Variants in NPTN observed in about 807,000 individuals in gnomAD.
NPTN encodes the protein SDR-1.
NPTN carries 5 observed loss-of-function variants against 42.7 expected under a neutral mutation model. The ratio of observed to expected loss-of-function variants is 0.12; its 90% CI spans 0.06 to 0.25. The LOEUF is 0.25. Among genes scored for constraint, NPTN ranks in the 10% least tolerant of loss-of-function variants. The pLI, the probability that NPTN is intolerant of heterozygous loss-of-function variation, is 1.00. For synonymous variants in NPTN, 180 were observed against 201.9 expected (o/e 0.89, Z 0.92); for missense variants, 307 against 525.4 (o/e 0.58, Z 4.06).
intron 1 of NPTN, among the ~76,000 whole-genome samples, chr15:73,630,901 T>C (rs1239952676): frequency 6.6e-6 from 1 of 152,232 alleles, no homozygotes; most frequent in East Asian, 1.9e-4. Flanking sequence ...TCCATAACTA[T>C]AGGAACTCAA....
intron 4 of NPTN, among the ~76,000 whole-genome samples, chr15:73,577,148 CTG>C (rs1266247585): frequency 6.6e-6 from 1 of 152,190 alleles, no homozygotes; most frequent in Non-Finnish European, 1.5e-5. Flanking sequence ...CACTTAAACA[CTG>C]TAGTAAAACT....
intron 2 of NPTN, among the ~76,000 whole-genome samples, chr15:73,596,168 G>T (rs1456612520): frequency 6.6e-6 from 1 of 152,138 alleles, no homozygotes; most frequent in Admixed American, 6.5e-5. Flanking sequence ...ATAATAATTT[G>T]CAGCTTAGTG....
intron 6 of NPTN, chr15:73,565,822 G>A (rs188139298): frequency 2.2e-5 from 10 of 456,082 alleles, no homozygotes; most frequent in East Asian, 2.1e-4. Flanking sequence ...CTTCCCAACC[G>A]AATGGACCAC....
At chr15:73,575,724 A>G (rs1895658512) in intron 4 of NPTN, among the ~76,000 whole-genome samples, 3 of 152,206 alleles carry the variant, frequency 2.0e-5, no homozygotes. Flanking sequence ...TCTTGGCTTA[A>G]AAACAATGCA....
At position 73,598,547 on chromosome 15, in the gene NPTN, A is replaced by C. The variant is rs558987732; in HGVS notation, c.92-1178T>G. 7.2e-5 allele frequency among the ~76,000 whole-genome samples: 11 copies of C among 152,250 alleles called. No homozygotes were observed. In the South Asian group the frequency reaches 2.3e-3, roughly 32 times the overall value. On this transcript the variant is annotated intron_variant, in intron 1 of 8. Coordinates refer to ENST00000345330, the MANE Select transcript of NPTN (RefSeq NM_012428.4). ...TAGGAAACAAAATCAGAGTGCAAGC[A>C]TACTCTCTCTTACCCTTCCACCCCA...
At chr15:73,561,549 G>A (rs761099645) in intron 8 of NPTN, among the ~76,000 whole-genome samples, 4 of 152,082 alleles carry the variant, frequency 2.6e-5, no homozygotes, top group Admixed American at 6.6e-5. Context: ...GCATGGTGGT[G>A]GGCAGCTGTA....
chr15:73,633,145 C>G lies in NPTN; in HGVS notation c.71G>C (p.Gly24Ala), dbSNP rs756251674. The part of the protein sequence containing the change: ...LLLVSGSLLP[G>A]PGAAQNAGFV... ...CTTACCGTTCTGAGCGGCGCCTGGC[C>G]CTGGGAGGAGGGAGCCAGAGACCAG... The change falls in exon 1 of 9, where the codon GGG becomes GCG. Residue 24 changes from glycine (G) to alanine (A), a missense_variant. This residue lies in a region of NPTN where 43 missense variants were observed against 34.3 expected (regional missense o/e 1.25). Transcript: ENST00000345330. The G allele has an allele frequency of 1.3e-6, 2 of 1,502,724 alleles. No homozygotes were observed. The highest frequency in any genetic ancestry group is 2.7e-5 in the Admixed American group (1 of 37,662). 93.1% of individuals were successfully genotyped at this position (1,502,724 alleles called of 1,614,324 possible).
intron 6 of NPTN, among the ~76,000 whole-genome samples, chr15:73,564,315 G>A (rs955481628): frequency 6.6e-6 from 1 of 152,152 alleles, no homozygotes; most frequent in Non-Finnish European, 1.5e-5. Flanking sequence ...GGGGCTTGGT[G>A]CACATGAAGC....
chr15:73,582,034 C>T (rs1461065452), intron 4 of NPTN, among the ~76,000 whole-genome samples: 1 of 152,134 alleles, frequency 6.6e-6, no homozygotes, highest in East Asian at 1.9e-4. Context: ...CGGGGTTTCA[C>T]CACCTTGGTC....
In NPTN at chr15:73,633,284, G is replaced by A. The variant is rs1898870027; in HGVS notation, c.-69C>T. The A allele has an allele frequency of 7.5e-6, 8 of 1,071,054 alleles. No homozygotes were observed. Among genetic ancestry groups the A allele is most frequent in the East Asian group, 3.0e-5 (1 of 33,728 alleles). 66.3% of individuals were successfully genotyped at this position (1,071,054 alleles called of 1,614,324 possible). A position where few individuals can be genotyped will look rare whatever the true frequency, so the allele number is the denominator to read the frequency against. On this transcript the variant is annotated 5_prime_UTR_variant, in exon 1 of 9. Transcript: ENST00000345330. ...GCCGGGGCCGGGGAAGGGAGGGGAGGGAGGGAGGGGGCGGGCGAGTGCGCG... is the reference window on the plus strand; with the variant it reads ...GCCGGGGCCGGGGAAGGGAGGGGAGAGAGGGAGGGGGCGGGCGAGTGCGCG...
At position 73,570,183 on chromosome 15, in the gene NPTN, C is replaced by G. The variant is rs772665171; in HGVS notation, c.1081G>C (p.Glu361Gln). The change falls in exon 6 of 9, where the codon GAG (glutamate) becomes CAG (glutamine). Residue 361 changes from glutamate (E) to glutamine (Q), a missense_variant. Around this residue, in one of 2 missense-constraint regions of NPTN, gnomAD observed 264 missense variants for 491.1 expected, o/e 0.54. Coordinates refer to ENST00000345330, the MANE Select transcript of NPTN (RefSeq NM_012428.4). This position sits in a 1 kb window ranked among gnomAD's most constrained non-coding sequence, Gnocchi z 4.0. Reference protein sequence around the residue: ...IILVVIIVVYEKRKRPDEVPD... With the variant: ...IILVVIIVVYQKRKRPDEVPD... ...ACCTCATCTGGCCTCTTCCTCTTCT[C>G]ATACACAACAATGATCACCACAAGG... The G allele has an allele frequency of 1.2e-6, 2 of 1,613,422 alleles. No homozygotes were observed. Among genetic ancestry groups the G allele is most frequent in the East Asian group, 2.2e-5 (1 of 44,834 alleles).
At chr15:73,605,426 CAG>C (rs1177171766) in intron 1 of NPTN, among the ~76,000 whole-genome samples, 1 of 151,494 alleles carries the variant, frequency 6.6e-6, no homozygotes, top group African/African-American at 2.4e-5. Flanking sequence ...ACCTGAGAAA[CAG>C]AAAGAATTGG....
intron 6 of NPTN, chr15:73,567,485 T>C: frequency 2.0e-6 from 2 of 985,376 alleles, no homozygotes; most frequent in Non-Finnish European, 2.4e-6. Context: ...TATATCTATA[T>C]GAAAATTTGG....
chr15:73,620,735 T>C (rs951986657), intron 1 of NPTN, among the ~76,000 whole-genome samples: 3 of 152,226 alleles, frequency 2.0e-5, no homozygotes, highest in Non-Finnish European at 2.9e-5. Flanking sequence ...TTTCGTTCAT[T>C]TGGAACTCTA....
intron 4 of NPTN, among the ~76,000 whole-genome samples, chr15:73,582,586 C>G (rs1437586390): frequency 6.6e-6 from 1 of 152,126 alleles, no homozygotes; most frequent in Non-Finnish European, 1.5e-5. Context: ...TCAACCCTGG[C>G]TGTACACCAT....
chr15:73,597,467 A>C lies in NPTN; in HGVS notation c.92-98T>G. 2.1e-6 allele frequency: 2 copies of C among 953,532 alleles called. No individual in the cohort carries two copies. Among genetic ancestry groups the C allele is most frequent in the South Asian group, 1.8e-5 (1 of 56,756 alleles). 59.1% of individuals were successfully genotyped at this position (953,532 alleles called of 1,614,324 possible). On this transcript the variant is annotated intron_variant, in intron 1 of 8. Transcript: ENST00000345330. This position sits in a 1 kb window ranked among gnomAD's most constrained non-coding sequence, Gnocchi z 6.3. ...AGTAATTTAAAGAAAAGAAAAGAAA[A>C]AAGCAAATGAGTTGCAAAGAACAAA...
chr15:73,595,638 G>A (rs1425888604), intron 2 of NPTN, among the ~76,000 whole-genome samples: 1 of 152,094 alleles, frequency 6.6e-6, no homozygotes, highest in Non-Finnish European at 1.5e-5. Flanking sequence ...ACTTTCTCTA[G>A]ATCAATCAGC....
chr15:73,563,856 G>A (rs138103309), intron 6 of NPTN, among the ~76,000 whole-genome samples: 86 of 152,312 alleles, frequency 5.6e-4, no homozygotes, highest in African/African-American at 2.0e-3. Context: ...GCTGGGCTAT[G>A]CCAGCAACAA....
intron 2 of NPTN, 27 bp from the exon 3 acceptor site, chr15:73,592,164 G>C: frequency 1.3e-6 from 2 of 1,597,376 alleles, no homozygotes; most frequent in Non-Finnish European, 1.7e-6. Context: ...CAATGATAGG[G>C]GGCAATAGCC....
Sources: allele counts gnomAD v4.1 joint callset (sites outside exome capture counted in the v4.1 genomes callset), GRCh38; gene constraint gnomAD v4.1.1; regional missense constraint gnomAD v4.1.1; non-coding constraint Gnocchi (gnomAD v3.1); transcripts MANE v1.5; gene names NCBI Gene and HGNC (gene_info 2026-07-23, HGNC 2026-07-21).